ZSWIM9: variants seen among roughly 807,000 people sequenced by gnomAD.
The protein encoded by ZSWIM9 is uncharacterized protein ZSWIM9.
ZSWIM9 carries 11 observed loss-of-function variants against 25.0 expected under a neutral mutation model. The observed-to-expected ratio is 0.44, with a 90% CI of 0.28 to 0.73. The LOEUF is 0.73. Among genes scored for constraint, ZSWIM9 ranks in the 30% least tolerant of loss-of-function variants. The pLI, the probability that ZSWIM9 is intolerant of heterozygous loss-of-function variation, is 0.16. For synonymous variants in ZSWIM9, 562 were observed against 582.1 expected (o/e 0.97, Z 0.50); for missense variants, 1,070 against 1,296.5 (o/e 0.83, Z 2.68).
chr19:48,191,508 G>C (rs771891614), intron 3 of ZSWIM9, among the ~76,000 whole-genome samples: 2 of 152,116 alleles, frequency 1.3e-5, no homozygotes, highest in Non-Finnish European at 2.9e-5. Flanking sequence ...CCCAGCCTTA[G>C]CTATTATTTT....
At chr19:48,192,498 T>TATATACACACACAC (rs369454865) in intron 3 of ZSWIM9, among the ~76,000 whole-genome samples, 1 of 20,756 alleles carries the variant, frequency 4.8e-5, no homozygotes, top group Non-Finnish European at 1.0e-4. Context: ...TATATATATA[T>TATATACACACACAC]ACACACACAC....
At chr19:48,177,063 A>G (rs2036901101) in intron 2 of ZSWIM9, among the ~76,000 whole-genome samples, 2 of 151,782 alleles carry the variant, frequency 1.3e-5, no homozygotes, top group South Asian at 4.2e-4. Context: ...CTCCGTCTCC[A>G]AAAAAATAAA....
At chr19:48,187,632 G>A (rs1454460872) in intron 3 of ZSWIM9, 2 of 99,390 alleles carry the variant, frequency 2.0e-5, no homozygotes, top group Middle Eastern at 4.9e-3. Flanking sequence ...AATATGTAAC[G>A]CATAACATGT....
chr19:48,195,898 A>G lies in ZSWIM9; in HGVS notation c.1834A>G (p.Thr612Ala). ...CAGGAGTACCACCGACCTGAGGGGG[A>G]CCCAGTTTGACTATGAGAGGGTCAG... ...DRRSTTDLRG[T>A]QFDYERVRSL... is the part of the protein sequence containing the mutation. Residue 612 changes from threonine to alanine, a missense_variant, in exon 4 of 4, where the codon ACC becomes GCC. Transcript: ENST00000614654. The surrounding 1 kb of genome is among the most constrained non-coding windows in gnomAD (Gnocchi z 5.8). 2 of 1,388,706 alleles carry G rather than the reference A, an allele frequency of 1.4e-6. No homozygotes were observed. Among genetic ancestry groups the G allele is most frequent in the East Asian group, 5.8e-5 (2 of 34,756 alleles). The allele number at this position is 1,388,706 out of a possible 1,614,324, so 86.0% of individuals were successfully genotyped here.
chr19:48,193,720 A>G (rs1403777610), intron 3 of ZSWIM9, among the ~76,000 whole-genome samples: 1 of 152,228 alleles, frequency 6.6e-6, no homozygotes, highest in Non-Finnish European at 1.5e-5. Context: ...TATAATGGCC[A>G]CTTTCAGAAC....
At chr19:48,193,971 G>A (rs1409749310) in intron 3 of ZSWIM9, among the ~76,000 whole-genome samples, 1 of 152,110 alleles carries the variant, frequency 6.6e-6, no homozygotes. Flanking sequence ...GCCTCTCAGT[G>A]CATGGAGAAA....
In ZSWIM9 at chr19:48,189,711, T is replaced by C. The variant is rs184547002; in HGVS notation, c.589-4942T>C. ...TATAAAATAGAGCAAATAAGAATTA[T>C]AGGTATGCTTACTTGTACTCATATA... On this transcript the variant is annotated intron_variant, in intron 3 of 3. Coordinates refer to ENST00000614654, the MANE Select transcript of ZSWIM9 (RefSeq NM_199341.4). The C allele has an allele frequency of 3.3e-3, 508 of 154,430 alleles. 1 individual carries two copies. The highest frequency in any genetic ancestry group is 0.012 in the African/African-American group (492 of 41,620). The allele number at this position is 154,430 out of a possible 1,614,324, so 9.6% of individuals were successfully genotyped here. A position where few individuals can be genotyped will look rare whatever the true frequency, so the allele number is the denominator to read the frequency against.
chr19:48,195,723 G>A lies in ZSWIM9; in HGVS notation c.1659G>A (p.Gly553=), dbSNP rs1247098342. ...AGTTAGAGAAAGGGCACCTGAGAGG[G>A]CCAGAGATTAGAGACTGGAGGGGGC... The part of the protein sequence containing the change: ...GSKLEKGHLR[G]PEIRDWRGPQ... The change falls in exon 4 of 4, where the codon GGG becomes GGA. Residue 553 remains glycine, a synonymous_variant. Transcript: ENST00000614654. The surrounding 1 kb of genome is among the most constrained non-coding windows in gnomAD (Gnocchi z 5.8). 5 of 1,479,010 alleles carry A rather than the reference G, an allele frequency of 3.4e-6. No individual in the cohort carries two copies. The South Asian group carries it at 6.7e-5, about 20-fold the overall frequency. The allele number at this position is 1,479,010 out of a possible 1,614,324, so 91.6% of individuals were successfully genotyped here. A position where few individuals can be genotyped will look rare whatever the true frequency, so the allele number is the denominator to read the frequency against.
intron 3 of ZSWIM9, among the ~76,000 whole-genome samples, chr19:48,187,428 AT>A (rs1196865615): frequency 2.9e-5 from 3 of 104,380 alleles, no homozygotes; most frequent in East Asian, 2.3e-4. Context: ...TATATATTAT[AT>A]TATATTATAT....
chr19:48,179,999 G>A (rs965781548), intron 2 of ZSWIM9, among the ~76,000 whole-genome samples: 2 of 152,058 alleles, frequency 1.3e-5, no homozygotes, highest in Admixed American at 6.6e-5. Flanking sequence ...CTTTGGCTTG[G>A]AGCCTCTTCC....
Position 48,194,677 on chromosome 19 carries a change from C to G in ZSWIM9, c.613C>G (p.Gln205Glu). ...AKVKLVFVEDQAVVETVFFLT... is the reference protein window; with the variant it reads ...AKVKLVFVEDEAVVETVFFLT... Reference sequence around the variant, plus strand: ...GGTGAAGCTGGTGTTCGTGGAGGACCAGGCTGTGGTGGAGACGGTGTTCTT... The same window carrying G: ...GGTGAAGCTGGTGTTCGTGGAGGACGAGGCTGTGGTGGAGACGGTGTTCTT... Residue 205 changes from glutamine (Q) to glutamate (E), a missense_variant, in exon 4 of 4, where the codon CAG (glutamine) becomes GAG (glutamate). By Grantham distance (29) the Gln-to-Glu change is conservative. Around this residue, in one of 4 missense-constraint regions of ZSWIM9, gnomAD observed 265 missense variants for 339.0 expected, o/e 0.78. Coordinates refer to ENST00000614654, the MANE Select transcript of ZSWIM9 (RefSeq NM_199341.4). The surrounding 1 kb of genome is among the most constrained non-coding windows in gnomAD (Gnocchi z 6.0). The G allele has an allele frequency of 6.6e-7, 1 of 1,512,322 alleles. No homozygotes were observed. Among genetic ancestry groups the G allele is most frequent in the Non-Finnish European group, 8.8e-7 (1 of 1,132,854 alleles). The allele number at this position is 1,512,322 out of a possible 1,614,324, so 93.7% of individuals were successfully genotyped here. A position where few individuals can be genotyped will look rare whatever the true frequency, so the allele number is the denominator to read the frequency against.
intron 3 of ZSWIM9, chr19:48,189,625 C>T (rs892767255): frequency 6.5e-6 from 1 of 153,742 alleles, no homozygotes; most frequent in Non-Finnish European, 1.5e-5. Flanking sequence ...AAAGATCTCT[C>T]AAACACATTT....
intron 3 of ZSWIM9, chr19:48,190,679 G>C (rs776627841): frequency 2.6e-5 from 4 of 154,262 alleles, no homozygotes; most frequent in Non-Finnish European, 4.4e-5. Context: ...AGCGGCAAAA[G>C]ATAACCACAG....
Position 48,182,265 on chromosome 19 carries a change from T to A in ZSWIM9, c.276-190T>A, listed in dbSNP as rs1568576613. ...GATGAGTAGGACCTTCCTTGTAACC[T>A]ATGAGGAAACTGAGGCATAGAGACT... On this transcript the variant is annotated intron_variant, in intron 2 of 3. Coordinates refer to ENST00000614654, the MANE Select transcript of ZSWIM9 (RefSeq NM_199341.4). This position sits in a 1 kb window ranked among gnomAD's most constrained non-coding sequence, Gnocchi z 4.6. 2 of 599,154 alleles carry A rather than the reference T, an allele frequency of 3.3e-6. No homozygotes were observed. The highest frequency in any genetic ancestry group is 3.7e-5 in the African/African-American group (2 of 53,536). The allele number at this position is 599,154 out of a possible 1,614,324, so 37.1% of individuals were successfully genotyped here.
Position 48,196,062 on chromosome 19 carries a change from C to T in ZSWIM9, c.1998C>T (p.Ile666=). ...TGGAGGTCAGAAACTTGAGGGGGAT[C>T]CCCTTGGAGAAGTCCCTGGAGTTGG... ...RGLEVRNLRG[I]PLEKSLELAP... Residue 666 remains isoleucine (I), a synonymous_variant, in exon 4 of 4, where the codon ATC becomes ATT. Coordinates refer to ENST00000614654, the MANE Select transcript of ZSWIM9 (RefSeq NM_199341.4). The T allele has an allele frequency of 8.8e-6, 11 of 1,256,454 alleles. No homozygotes were observed. The highest frequency in any genetic ancestry group is 1.1e-5 in the Non-Finnish European group (11 of 1,003,014). The allele number at this position is 1,256,454 out of a possible 1,614,324, so 77.8% of individuals were successfully genotyped here.
chr19:48,182,424 G>C lies in ZSWIM9; in HGVS notation c.276-31G>C, dbSNP rs2036957523. On this transcript the variant is annotated intron_variant, in intron 2 of 3. Coordinates refer to ENST00000614654, the MANE Select transcript of ZSWIM9 (RefSeq NM_199341.4). The surrounding 1 kb of genome is among the most constrained non-coding windows in gnomAD (Gnocchi z 4.6). ...AGGAAGAAGAGGGCAGCAGAGTGAT[G>C]TGACCAGGGCGGTGGTGGTTCCTCC... 1 of 1,483,186 alleles carries C rather than the reference G, an allele frequency of 6.7e-7. No individual in the cohort carries two copies. The highest frequency in any genetic ancestry group is 9.0e-7 in the Non-Finnish European group (1 of 1,107,266). 91.9% of individuals were successfully genotyped at this position (1,483,186 alleles called of 1,614,324 possible).
intron 3 of ZSWIM9, chr19:48,187,782 T>C (rs1258894697): frequency 7.5e-6 from 1 of 133,838 alleles, no homozygotes; most frequent in Admixed American, 8.1e-5. Flanking sequence ...TACAAAAAAT[T>C]AAAAAAAAAA....
At chr19:48,188,683 G>A (rs1238967068) in intron 3 of ZSWIM9, among the ~76,000 whole-genome samples, 3 of 152,258 alleles carry the variant, frequency 2.0e-5, no homozygotes, top group Admixed American at 2.0e-4. Flanking sequence ...TCTCTTACGT[G>A]TATGCTTTGC....
Position 48,194,538 on chromosome 19 carries a change from A to C in ZSWIM9, c.589-115A>C. On this transcript the variant is annotated intron_variant, in intron 3 of 3. Transcript: ENST00000614654. This position sits in a 1 kb window ranked among gnomAD's most constrained non-coding sequence, Gnocchi z 6.0. ...CAAAAGAATAAATGCATATGCAGGC[A>C]AGAATGAATGGGTGGTCCCATTTCC... 9.1e-7 allele frequency: 1 copy of C among 1,093,884 alleles called. No individual in the cohort carries two copies. The highest frequency in any genetic ancestry group is 1.2e-6 in the Non-Finnish European group (1 of 835,626). 67.8% of individuals were successfully genotyped at this position (1,093,884 alleles called of 1,614,324 possible). A position where few individuals can be genotyped will look rare whatever the true frequency, so the allele number is the denominator to read the frequency against.
Sources: gnomAD v4.1 joint callset for allele counts (sites outside exome capture counted in the v4.1 genomes callset) on GRCh38, gnomAD v4.1.1 for gene constraint, gnomAD v4.1.1 regional missense constraint, Gnocchi (gnomAD v3.1) non-coding constraint, MANE v1.5 for transcripts, NCBI Gene and HGNC (gene_info 2026-07-23, HGNC 2026-07-21) for gene names.